Variants in GNG12 observed in about 807,000 individuals in gnomAD.
The protein encoded by GNG12 is G protein subunit gamma 12.
For synonymous variants in GNG12, 28 were observed against 29.7 expected, an observed-to-expected ratio of 0.94 and a Z score of 0.19; for missense variants, 69 against 83.8, an observed-to-expected ratio of 0.82 and a Z score of 0.69.
chr1:67,763,090 G>GGAGGGAGAGAGAGAGAGA (rs1553157314), intron 2 of GNG12, among the ~76,000 whole-genome samples: 1 of 116,724 alleles, frequency 8.6e-6, no homozygotes, highest in African/African-American at 3.2e-5. Context: ...TACCCTCCCA[G>GGAGGGAGAGAGAGAGAGA]GAGAGAGAGA....
At chr1:67,717,993 A>G (rs1229051741) in intron 2 of GNG12, among the ~76,000 whole-genome samples, 1 of 152,260 alleles carries the variant, frequency 6.6e-6, no homozygotes, top group Non-Finnish European at 1.5e-5. Flanking sequence ...ATGAACTGAG[A>G]GAGCACATAT....
intron 1 of GNG12, among the ~76,000 whole-genome samples, chr1:67,790,228 C>A (rs1379081670): frequency 6.6e-6 from 1 of 152,178 alleles, no homozygotes; most frequent in Non-Finnish European, 1.5e-5. Context: ...GGTAAAGCCA[C>A]CTTTGCTGCC....
intron 2 of GNG12, among the ~76,000 whole-genome samples, 193 bp from the exon 3 acceptor site, chr1:67,707,905 A>T (rs1387437316): frequency 6.6e-6 from 1 of 152,198 alleles, no homozygotes; most frequent in Non-Finnish European, 1.5e-5. Flanking sequence ...CCATTTGAGC[A>T]CCTACATAAA....
At chr1:67,736,047 G>C (rs575343897) in intron 2 of GNG12, among the ~76,000 whole-genome samples, 2 of 152,064 alleles carry the variant, frequency 1.3e-5, no homozygotes, top group African/African-American at 4.8e-5. Flanking sequence ...ACTTTCTTGC[G>C]GGGGGTAGAT....
At position 67,774,117 on chromosome 1, in the gene GNG12, C is replaced by T. The variant is rs1570536549; in HGVS notation, c.-27+3341G>A. On this transcript the variant is annotated intron_variant, in intron 2 of 3. Coordinates refer to ENST00000370982, the MANE Select transcript of GNG12 (RefSeq NM_018841.6). Reference sequence around the variant, plus strand: ...GAAGACATTTCTCTGAGTCTTGAATCATGATCAACCCTGCTTCTTCTAAGT... The same window carrying T: ...GAAGACATTTCTCTGAGTCTTGAATTATGATCAACCCTGCTTCTTCTAAGT... 2.0e-5 allele frequency among the ~76,000 whole-genome samples: 3 copies of T among 152,150 alleles called. No homozygotes were observed. The South Asian group carries it at 6.2e-4, about 32-fold the overall frequency.
At chr1:67,788,946 AAAG>A (rs1646785292) in intron 1 of GNG12, among the ~76,000 whole-genome samples, 1 of 152,216 alleles carries the variant, frequency 6.6e-6, no homozygotes, top group African/African-American at 2.4e-5. Context: ...GAACTACGAA[AAAG>A]AAAATGATGA....
At chr1:67,728,042 A>G (rs894358917) in intron 2 of GNG12, among the ~76,000 whole-genome samples, 1 of 152,208 alleles carries the variant, frequency 6.6e-6, no homozygotes, top group Admixed American at 6.5e-5. Context: ...TTTAAACAGA[A>G]CCATTTAATG....
intron 1 of GNG12, among the ~76,000 whole-genome samples, chr1:67,783,562 C>T (rs1389482275): frequency 6.6e-6 from 1 of 151,930 alleles, no homozygotes; most frequent in Non-Finnish European, 1.5e-5. Flanking sequence ...ATTTTTGCAA[C>T]CTACTCATCT....
chr1:67,831,936 G>A (rs1188263663), intron 1 of GNG12, among the ~76,000 whole-genome samples: 1 of 152,194 alleles, frequency 6.6e-6, no homozygotes, highest in Non-Finnish European at 1.5e-5. Flanking sequence ...CGAGAGCTGC[G>A]AAGCGCTGGC....
At chr1:67,816,153 A>G (rs1256383588) in intron 1 of GNG12, among the ~76,000 whole-genome samples, 3 of 152,148 alleles carry the variant, frequency 2.0e-5, no homozygotes, top group Non-Finnish European at 4.4e-5. Context: ...TCTTCTAATG[A>G]AAGAAAAAGA....
At chr1:67,796,406 T>C (rs1377339395) in intron 1 of GNG12, among the ~76,000 whole-genome samples, 9 of 152,170 alleles carry the variant, frequency 5.9e-5, no homozygotes, top group Non-Finnish European at 1.2e-4. Flanking sequence ...TAGCTAACTC[T>C]GGTTCGTTAA....
chr1:67,781,868 T>C (rs1030044705), intron 1 of GNG12, among the ~76,000 whole-genome samples: 1 of 152,156 alleles, frequency 6.6e-6, no homozygotes, highest in African/African-American at 2.4e-5. Context: ...TCTGATGTGA[T>C]CTAGTTAACT....
intron 2 of GNG12, among the ~76,000 whole-genome samples, chr1:67,757,067 G>A (rs1228645010): frequency 6.6e-6 from 1 of 152,106 alleles, no homozygotes; most frequent in Non-Finnish European, 1.5e-5. Context: ...TTAAATTTTT[G>A]GATTTTTCTC....
chr1:67,769,495 G>C (rs544336431), intron 2 of GNG12, among the ~76,000 whole-genome samples: 1 of 152,292 alleles, frequency 6.6e-6, no homozygotes, highest in African/African-American at 2.4e-5. Context: ...ACTCTGCATG[G>C]AGCCCTGATC....
chr1:67,733,260 T>C (rs906922743), intron 2 of GNG12, among the ~76,000 whole-genome samples: 2 of 152,190 alleles, frequency 1.3e-5, no homozygotes, highest in African/African-American at 4.8e-5. Flanking sequence ...TTTCTTCTTC[T>C]TTTTTTAAAT....
At chr1:67,803,046 G>A (rs1570562156) in intron 1 of GNG12, among the ~76,000 whole-genome samples, 3 of 152,338 alleles carry the variant, frequency 2.0e-5, no homozygotes, top group East Asian at 1.9e-4. Flanking sequence ...GGGGTCTAAC[G>A]TGGGCATTCT....
At chr1:67,727,538 G>A (rs941679124) in intron 2 of GNG12, among the ~76,000 whole-genome samples, 1 of 152,122 alleles carries the variant, frequency 6.6e-6, no homozygotes, top group East Asian at 1.9e-4. Flanking sequence ...TCCGGCATTC[G>A]CATGATCTCT....
chr1:67,832,507 G>T (rs1444010857), intron 1 of GNG12: 2 of 152,108 alleles, frequency 1.3e-5, no homozygotes, highest in African/African-American at 4.8e-5. Context: ...GACGGGAGGT[G>T]CTAAGTGACA....
chr1:67,826,373 C>T (rs1168295832), intron 1 of GNG12, among the ~76,000 whole-genome samples: 1 of 152,260 alleles, frequency 6.6e-6, no homozygotes, highest in African/African-American at 2.4e-5. Flanking sequence ...GTGAGCCTCC[C>T]ATTTGCCTCC....
Sources: allele counts gnomAD v4.1 joint callset (sites outside exome capture counted in the v4.1 genomes callset), GRCh38; gene constraint gnomAD v4.1.1; transcripts MANE v1.5; gene names NCBI Gene and HGNC (gene_info 2026-07-23, HGNC 2026-07-21).